The following PYHIN1 variants were observed in gnomAD, a reference collection of about 807,000 sequenced individuals.
PYHIN1 encodes the protein pyrin and HIN domain family member 1.
In PYHIN1, 32 loss-of-function variants were observed where a neutral mutation model predicts 43.7. That is an observed-to-expected ratio of 0.73 (90% confidence interval 0.55 to 0.98). The LOEUF is 0.98. PYHIN1 is among the 50% of genes least tolerant of loss of function. PYHIN1 has a pLI of 0.00. For missense variants in PYHIN1, 588 were observed against 589.5 expected, an observed-to-expected ratio of 1.00 and a Z score of 0.03; for synonymous variants, 205 against 203.1, an observed-to-expected ratio of 1.01 and a Z score of -0.08.
chr1:158,989,460 C>T, the PYHIN1 span, among the ~76,000 whole-genome samples: 1 of 152,158 alleles, frequency 6.6e-6, no homozygotes, highest in Non-Finnish European at 1.5e-5. Context: ...ATTACTGATG[C>T]AATGAAGTAA....
intron 7 of PYHIN1, among the ~76,000 whole-genome samples, chr1:158,964,383 T>A (rs904466743): frequency 6.6e-6 from 1 of 152,108 alleles, no homozygotes; most frequent in African/African-American, 2.4e-5. Flanking sequence ...AGAAATCCTG[T>A]GAGATACTAC....
At chr1:158,934,157 T>G (rs550528196) in intron 1 of PYHIN1, among the ~76,000 whole-genome samples, 11 of 152,190 alleles carry the variant, frequency 7.2e-5, no homozygotes, top group Non-Finnish European at 1.6e-4. Flanking sequence ...GATTACTTAA[T>G]GCACATTTTT....
chr1:158,946,563 A>ATAGG (rs1309242579), intron 7 of PYHIN1, among the ~76,000 whole-genome samples: 2 of 149,898 alleles, frequency 1.3e-5, no homozygotes, highest in African/African-American at 5.1e-5. Flanking sequence ...AGATAGATAG[A>ATAGG]TAGATAGATA....
chr1:158,937,276 A>T (rs1489809267), intron 2 of PYHIN1, 101 bp downstream of exon 2: 41 of 1,296,552 alleles, frequency 3.2e-5, no homozygotes, highest in Non-Finnish European at 4.3e-5. Flanking sequence ...TCCTTTTCCC[A>T]ATTTGTGACT....
intron 5 of PYHIN1, among the ~76,000 whole-genome samples, chr1:158,943,447 T>C (rs1045195986): frequency 3.3e-5 from 5 of 152,178 alleles, no homozygotes; most frequent in African/African-American, 7.2e-5. Context: ...TCTTTTTGCA[T>C]AGGGGCAGAG....
chr1:158,943,704 T>C (rs922279949), intron 5 of PYHIN1, 86 bp from the exon 6 acceptor site: 7 of 964,468 alleles, frequency 7.3e-6, no homozygotes, highest in Non-Finnish European at 1.1e-5. Flanking sequence ...GTCTTGCATC[T>C]TGTTTTTAAT....
intron 8 of PYHIN1, among the ~76,000 whole-genome samples, chr1:158,975,680 G>A (rs546219874): frequency 1.6e-4 from 24 of 152,176 alleles, no homozygotes; most frequent in South Asian, 4.1e-4. Flanking sequence ...GGGAAAAAAC[G>A]TGTTCTGCTC....
intron 7 of PYHIN1, among the ~76,000 whole-genome samples, chr1:158,949,041 T>C (rs530248009): frequency 2.9e-4 from 44 of 152,198 alleles, no homozygotes; most frequent in African/African-American, 1.0e-3. Context: ...GGCTATAGTG[T>C]AATTGTGACT....
In PYHIN1 at chr1:158,939,006, T is replaced by C; in HGVS notation, c.412-74T>C. ...AACAATTTATATACAATAAATATAT[T>C]ACCTTGTAATGAAAATGTGCTCTGC... On this transcript the variant is annotated intron_variant, in intron 3 of 8. Transcript: ENST00000368140. 4 of 1,135,142 alleles carry C rather than the reference T, an allele frequency of 3.5e-6. No individual in the cohort carries two copies. The East Asian group carries it at 1.1e-4, about 30-fold the overall frequency. The allele number at this position is 1,135,142 out of a possible 1,614,324, so 70.3% of individuals were successfully genotyped here.
downstream of PYHIN1, among the ~76,000 whole-genome samples, chr1:158,977,364 G>T (rs1330868945): frequency 6.6e-6 from 1 of 152,104 alleles, no homozygotes; most frequent in Non-Finnish European, 1.5e-5. Context: ...TAATTTTCTT[G>T]CCAAACCAGG....
At chr1:158,941,366 A>G (rs974544382) in intron 4 of PYHIN1, among the ~76,000 whole-genome samples, 7 of 152,196 alleles carry the variant, frequency 4.6e-5, no homozygotes, top group African/African-American at 9.7e-5. Flanking sequence ...AAAGACTGCA[A>G]TGGTGGTAAT....
rs994525530 is a variant in PYHIN1 at position 158,933,991 on chromosome 1, G to A, written c.-21+2215G>A. ...AACTACTGAGGCCTTCAGGTTCAGA[G>A]AATAGTTTTTGAGGATCTTATGTTT... On this transcript the variant is annotated intron_variant, in intron 1 of 8. Coordinates refer to ENST00000368140, the MANE Select transcript of PYHIN1 (RefSeq NM_152501.5). The surrounding 1 kb of genome is among the most constrained non-coding windows in gnomAD (Gnocchi z 6.3). Among the ~76,000 whole-genome samples the A allele has an allele frequency of 6.6e-6, 1 of 152,104 alleles. No individual in the cohort carries two copies. Among genetic ancestry groups the A allele is most frequent in the Non-Finnish European group, 1.5e-5 (1 of 67,992 alleles).
chr1:158,939,457 G>T, intron 4 of PYHIN1: 1 of 1,551,564 alleles, frequency 6.4e-7, no homozygotes, highest in Non-Finnish European at 8.7e-7. Context: ...TCTGTCCTGT[G>T]CTGTTTGGGG....
rs1001732932 is a variant in PYHIN1, at chr1:158,943,914, G to C, written c.1127G>C (p.Cys376Ser). The C allele has an allele frequency of 2.4e-5, 38 of 1,607,564 alleles. No homozygotes were observed. Among genetic ancestry groups the C allele is most frequent in the Non-Finnish European group, 3.1e-5 (36 of 1,175,528 alleles). The change falls in exon 6 of 9, where the codon TGC becomes TCC. Residue 376 changes from cysteine (C) to serine (S), a missense_variant. Transcript: ENST00000368140. ...AAAGGAGATAAGCTTCGACTCTTCT[G>C]CTTTCGACTGAGAAAGAGGGAAAAT... ...CEKGDKLRLF[C>S]FRLRKRENMS... is the part of the protein sequence containing the mutation.
chr1:158,936,437 T>C (rs575061866), intron 1 of PYHIN1, among the ~76,000 whole-genome samples: 14 of 151,982 alleles, frequency 9.2e-5, no homozygotes, highest in Admixed American at 2.6e-4. Context: ...TTGATGAACA[T>C]TGATGCTCAA....
chr1:158,952,842 C>T (rs1022907458), intron 7 of PYHIN1, among the ~76,000 whole-genome samples: 1 of 152,186 alleles, frequency 6.6e-6, no homozygotes, highest in Non-Finnish European at 1.5e-5. Context: ...ATCTGAGGTA[C>T]CGAGTTCATC....
chr1:158,974,384 GT>G (rs1432353694), intron 8 of PYHIN1, among the ~76,000 whole-genome samples: 1 of 152,024 alleles, frequency 6.6e-6, no homozygotes. Context: ...ATAATAAAGT[GT>G]TTTTCAACCA....
chr1:158,967,919 C>G (rs369384666), intron 7 of PYHIN1, among the ~76,000 whole-genome samples: 6 of 152,138 alleles, frequency 3.9e-5, no homozygotes, highest in East Asian at 3.9e-4. Flanking sequence ...GGACCCCTTC[C>G]TTACACCATA....
chr1:158,977,639 T>C (rs1486960429), downstream of PYHIN1, among the ~76,000 whole-genome samples: 2 of 152,150 alleles, frequency 1.3e-5, no homozygotes, highest in Non-Finnish European at 2.9e-5. Flanking sequence ...ACTTACAATG[T>C]ATTTATGGAT....
Sources: allele counts gnomAD v4.1 joint callset (sites outside exome capture counted in the v4.1 genomes callset), GRCh38; gene constraint gnomAD v4.1.1; non-coding constraint Gnocchi (gnomAD v3.1); transcripts MANE v1.5; gene names NCBI Gene and HGNC (gene_info 2026-07-23, HGNC 2026-07-21).